RHOBTB3: variants seen among roughly 807,000 people sequenced by gnomAD.
RHOBTB3 encodes the protein rho-related BTB domain-containing protein 3.
A neutral mutation model predicts 67.2 loss-of-function variants in RHOBTB3; 47 were observed. That is an observed-to-expected ratio of 0.70 (90% confidence interval 0.55 to 0.89). The LOEUF is 0.89. RHOBTB3 is among the 40% of genes least tolerant of loss of function. The pLI, the probability that RHOBTB3 is intolerant of heterozygous loss-of-function variation, is 0.00. For synonymous variants in RHOBTB3, 273 were observed against 274.2 expected (o/e 1.00, Z 0.04); for missense variants, 631 against 750.0 (o/e 0.84, Z 1.85).
chr5:95,744,071 C>T (rs778837198), intron 3 of RHOBTB3, among the ~76,000 whole-genome samples: 5 of 151,532 alleles, frequency 3.3e-5, no homozygotes, highest in Non-Finnish European at 7.4e-5. Context: ...TTCTCTCCTT[C>T]CCTCTCTTCT....
chr5:95,779,467 C>T (rs962698415), intron 8 of RHOBTB3, among the ~76,000 whole-genome samples: 1 of 152,210 alleles, frequency 6.6e-6, no homozygotes, highest in African/African-American at 2.4e-5. Context: ...TGGCCACTCA[C>T]GGCCCTATCC....
At chr5:95,725,472 C>T (rs760361769) in intron 1 of RHOBTB3, among the ~76,000 whole-genome samples, 3 of 152,234 alleles carry the variant, frequency 2.0e-5, no homozygotes, top group Non-Finnish European at 2.9e-5. Flanking sequence ...TGAAGAGGGG[C>T]GTCATGTGTG....
At chr5:95,728,089 T>A (rs1755110776), upstream of RHOBTB3, among the ~76,000 whole-genome samples, 1 of 152,244 alleles carries the variant, frequency 6.6e-6, no homozygotes, top group African/African-American at 2.4e-5. Flanking sequence ...GAACTAATCA[T>A]GTGGCCCTAC....
intron 3 of RHOBTB3, among the ~76,000 whole-genome samples, chr5:95,739,022 GC>G (rs1755531102): frequency 6.6e-6 from 1 of 152,010 alleles, no homozygotes; most frequent in Admixed American, 6.6e-5. Context: ...TTACTCTTCA[GC>G]CAAACCATTA....
chr5:95,732,134 C>CT (rs373839806), intron 2 of RHOBTB3, 50 bp downstream of exon 2: 46 of 1,549,416 alleles, frequency 3.0e-5, no homozygotes, highest in Non-Finnish European at 3.8e-5. Flanking sequence ...CTTTTCTTTC[C>CT]TTTTTTTTCC....
At chr5:95,765,099 CT>C (rs1243313245) in intron 7 of RHOBTB3, among the ~76,000 whole-genome samples, 7 of 152,086 alleles carry the variant, frequency 4.6e-5, no homozygotes, top group Non-Finnish European at 8.8e-5. Context: ...TTCTCTCAAA[CT>C]TCTGCTCTCC....
At chr5:95,766,190 C>G (rs927621345) in intron 7 of RHOBTB3, among the ~76,000 whole-genome samples, 2 of 151,942 alleles carry the variant, frequency 1.3e-5, no homozygotes, top group African/African-American at 4.8e-5. Flanking sequence ...TTTCCCCCCT[C>G]ACCGAAGATT....
At position 95,794,473 on chromosome 5, in the gene RHOBTB3, G is replaced by A. The variant is rs1267039007; in HGVS notation, c.*1299G>A. ...CTTGTGCTCTAATATTACACAGTAAGTTCAAAGAAAGGATGTAAGTCAAAG... is the reference window on the plus strand; with the variant it reads ...CTTGTGCTCTAATATTACACAGTAAATTCAAAGAAAGGATGTAAGTCAAAG... On this transcript the variant is annotated 3_prime_UTR_variant, in exon 12 of 12. Transcript: ENST00000379982. 1 of 158,208 alleles carries A rather than the reference G, an allele frequency of 6.3e-6. No individual in the cohort carries two copies. The highest frequency in any genetic ancestry group is 6.0e-5 in the Admixed American group (1 of 16,636). The allele number at this position is 158,208 out of a possible 1,614,324, so 9.8% of individuals were successfully genotyped here. A position where few individuals can be genotyped will look rare whatever the true frequency, so the allele number is the denominator to read the frequency against.
intron 3 of RHOBTB3, among the ~76,000 whole-genome samples, chr5:95,745,187 C>T (rs906960419): frequency 6.6e-6 from 1 of 152,154 alleles, no homozygotes; most frequent in Admixed American, 6.5e-5. Flanking sequence ...CCTCCCACCT[C>T]AGCCTTCCAA....
Position 95,794,282 on chromosome 5 carries a change from G to C in RHOBTB3, c.*1108G>C, listed in dbSNP as rs1561460518. On this transcript the variant is annotated 3_prime_UTR_variant, in exon 12 of 12. Transcript: ENST00000379982. ...TAACCAGCCTAACTTTAATACACATGTATAAAGATGTTCACAGAGAAAGAT... is the reference window on the plus strand; with the variant it reads ...TAACCAGCCTAACTTTAATACACATCTATAAAGATGTTCACAGAGAAAGAT... The C allele has an allele frequency of 5.1e-6, 1 of 197,916 alleles. No individual in the cohort carries two copies. Among genetic ancestry groups the C allele is most frequent in the East Asian group, 1.3e-4 (1 of 7,856 alleles). 12.3% of individuals were successfully genotyped at this position (197,916 alleles called of 1,614,324 possible).
At chr5:95,780,629 A>G (rs1021671679) in intron 9 of RHOBTB3, among the ~76,000 whole-genome samples, 2 of 152,148 alleles carry the variant, frequency 1.3e-5, no homozygotes, top group African/African-American at 4.8e-5. Context: ...GGTGCCTTTT[A>G]TGGGTCTCCG....
At chr5:95,762,430 A>G (rs754898019) in intron 6 of RHOBTB3, among the ~76,000 whole-genome samples, 6 of 152,170 alleles carry the variant, frequency 3.9e-5, no homozygotes, top group Admixed American at 6.5e-5. Flanking sequence ...ATATCCATGA[A>G]GGCATCTGGT....
chr5:95,737,737 C>A (rs925453716), intron 3 of RHOBTB3, among the ~76,000 whole-genome samples: 5 of 152,106 alleles, frequency 3.3e-5, no homozygotes, highest in African/African-American at 7.2e-5. Context: ...TGAGGTATTG[C>A]GAAGTAAAGG....
At chr5:95,734,777 G>A (rs1035934667) in intron 2 of RHOBTB3, among the ~76,000 whole-genome samples, 4 of 152,130 alleles carry the variant, frequency 2.6e-5, no homozygotes, top group Non-Finnish European at 2.9e-5. Flanking sequence ...AGGGTTTGAA[G>A]CTCTGATTTG....
chr5:95,746,337 A>C (rs1190532673), intron 3 of RHOBTB3, among the ~76,000 whole-genome samples: 1 of 152,102 alleles, frequency 6.6e-6, no homozygotes, highest in East Asian at 1.9e-4. Flanking sequence ...AAGTTTAATA[A>C]GATGATCTGG....
chr5:95,769,319 T>A (rs1177150032), intron 8 of RHOBTB3: 2 of 473,222 alleles, frequency 4.2e-6, no homozygotes, highest in Non-Finnish European at 8.4e-6. Flanking sequence ...GTAACACAAA[T>A]GAAGAGGCTG....
At chr5:95,754,147 G>T (rs1334595205) in intron 5 of RHOBTB3, among the ~76,000 whole-genome samples, 1 of 152,068 alleles carries the variant, frequency 6.6e-6, no homozygotes, top group East Asian at 1.9e-4. Context: ...TTCATGTGAG[G>T]GCACTAAGTG....
Position 95,748,327 on chromosome 5 carries a change from T to G in RHOBTB3, c.416-6T>G. The stretch of plus-strand genomic sequence containing the variant: ...AAACTCTTTGTTTTAAAATTTGTTT[T>G]CTCAGAAGAGTTACCTTGTACATGC... On this transcript the variant is annotated splice_polypyrimidine_tract_variant and splice_region_variant and intron_variant, in intron 3 of 11. Coordinates refer to ENST00000379982, the MANE Select transcript of RHOBTB3 (RefSeq NM_014899.4). 6.3e-7 allele frequency: 1 copy of G among 1,583,816 alleles called. No homozygotes were observed. The highest frequency in any genetic ancestry group is 1.2e-5 in the South Asian group (1 of 85,890).
chr5:95,753,074 G>T (rs1468761609), intron 5 of RHOBTB3, among the ~76,000 whole-genome samples: 1 of 152,124 alleles, frequency 6.6e-6, no homozygotes, highest in East Asian at 1.9e-4. Context: ...GGAGCTTGCA[G>T]TGAGCAGAGA....
Sources: gnomAD v4.1 joint callset for allele counts (sites outside exome capture counted in the v4.1 genomes callset) on GRCh38, gnomAD v4.1.1 for gene constraint, MANE v1.5 for transcripts, NCBI Gene and HGNC (gene_info 2026-07-23, HGNC 2026-07-21) for gene names.